AKAP13: variants seen among roughly 807,000 people sequenced by gnomAD.
The protein encoded by AKAP13 is A-kinase anchor protein 13.
AKAP13 carries 80 observed loss-of-function variants against 264.5 expected under a neutral mutation model. The ratio of observed to expected loss-of-function variants is 0.30; its 90% CI spans 0.25 to 0.36. The LOEUF is 0.36. Among genes scored for constraint, AKAP13 ranks in the 10% least tolerant of loss-of-function variants. The pLI is 1.00. For synonymous variants in AKAP13, 1,380 were observed against 1,250.2 expected, an observed-to-expected ratio of 1.10 and a Z score of -2.19; for missense variants, 3,712 against 3,435.2, an observed-to-expected ratio of 1.08 and a Z score of -2.01.
intron 1 of AKAP13, among the ~76,000 whole-genome samples, chr15:85,481,434 G>A (rs1262210137): frequency 6.6e-6 from 1 of 152,132 alleles, no homozygotes; most frequent in Non-Finnish European, 1.5e-5. Flanking sequence ...CAGTGGGGGA[G>A]AATGTTAATT....
chr15:85,705,658 T>G (rs2086194744), intron 17 of AKAP13, among the ~76,000 whole-genome samples: 1 of 152,198 alleles, frequency 6.6e-6, no homozygotes. Context: ...ATACAAAGTA[T>G]TATACATAGG....
At chr15:85,629,764 CTTTTTTTTTTTTTTTTTTT>C (rs773396099) in intron 8 of AKAP13, among the ~76,000 whole-genome samples, 17 of 50,528 alleles carry the variant, frequency 3.4e-4, no homozygotes, top group Admixed American at 7.2e-4. Flanking sequence ...CCTTTACAGC[CTTTTTTTTTTTTTTTTTTT>C]TTTTTTTTTT....
At chr15:85,625,281 A>G (rs1596771169) in intron 8 of AKAP13, among the ~76,000 whole-genome samples, 2 of 152,192 alleles carry the variant, frequency 1.3e-5, no homozygotes, top group Admixed American at 1.3e-4. Context: ...GAATAGAAAG[A>G]TACATAATCA....
At chr15:85,553,984 C>T (rs1020799762) in intron 5 of AKAP13, among the ~76,000 whole-genome samples, 4 of 152,176 alleles carry the variant, frequency 2.6e-5, no homozygotes, top group African/African-American at 4.8e-5. Flanking sequence ...AATTGCCTTC[C>T]GTGAAACTGG....
rs1240510377 is a variant in AKAP13, at chr15:85,708,393, G to C, written c.5532+307G>C. 1.3e-5 allele frequency among the ~76,000 whole-genome samples: 2 copies of C among 152,032 alleles called. No homozygotes were observed. The highest frequency in any genetic ancestry group is 2.1e-4 in the South Asian group (1 of 4,814). ...TTAAAGTGGTTTTCTTCTTAACTAC[G>C]TCTGCAGGCCTACCCTGCTGTTCAT... On this transcript the variant is annotated intron_variant, in intron 18 of 36. Coordinates refer to ENST00000394518, the MANE Select transcript of AKAP13 (RefSeq NM_007200.5). The surrounding 1 kb of genome is among the most constrained non-coding windows in gnomAD (Gnocchi z 4.3).
At chr15:85,627,851 G>A (rs2081499065) in intron 8 of AKAP13, among the ~76,000 whole-genome samples, 1 of 152,194 alleles carries the variant, frequency 6.6e-6, no homozygotes, top group African/African-American at 2.4e-5. Context: ...TCCAGCTCTG[G>A]AGTGTCCTAA....
intron 18 of AKAP13, among the ~76,000 whole-genome samples, chr15:85,709,647 C>A (rs2086515355): frequency 7.1e-6 from 1 of 141,802 alleles, no homozygotes; most frequent in Non-Finnish European, 1.6e-5. Context: ...GAGAATATAA[C>A]CTAAAAGGGG....
At chr15:85,666,842 T>G (rs151049784) in intron 13 of AKAP13, among the ~76,000 whole-genome samples, 47 of 152,380 alleles carry the variant, frequency 3.1e-4, no homozygotes, top group Non-Finnish European at 5.9e-4. Flanking sequence ...GTTCTCATCT[T>G]CTGGATGTCC....
At chr15:85,464,114 A>G (rs2074633349) in intron 1 of AKAP13, among the ~76,000 whole-genome samples, 2 of 152,190 alleles carry the variant, frequency 1.3e-5, no homozygotes, top group Admixed American at 6.5e-5. Context: ...CTATGATCCA[A>G]CAACCAAAGG....
At chr15:85,636,469 C>G (rs1468192622) in intron 8 of AKAP13, among the ~76,000 whole-genome samples, 3 of 152,154 alleles carry the variant, frequency 2.0e-5, no homozygotes, top group Non-Finnish European at 2.9e-5. Context: ...GGTTACTGAT[C>G]TCAGAATGAA....
chr15:85,631,534 ACACACACACACACACACACT>A (rs1297413404), intron 8 of AKAP13, among the ~76,000 whole-genome samples: 3 of 147,732 alleles, frequency 2.0e-5, no homozygotes, highest in African/African-American at 7.6e-5. Flanking sequence ...ACACACACAC[ACACACACACACACACACACT>A]AAATGCAATG....
intron 1 of AKAP13, among the ~76,000 whole-genome samples, chr15:85,461,208 A>T (rs1017543179): frequency 2.0e-5 from 3 of 151,998 alleles, no homozygotes; most frequent in African/African-American, 7.3e-5. Flanking sequence ...CTCTGCCTGC[A>T]GGGTTCAAGC....
At chr15:85,390,893 T>G (rs973378756) in intron 1 of AKAP13, among the ~76,000 whole-genome samples, 6 of 152,228 alleles carry the variant, frequency 3.9e-5, no homozygotes, top group Non-Finnish European at 7.3e-5. Flanking sequence ...GTGATTTCCC[T>G]GTTGACATGC....
chr15:85,661,902 GA>G (rs57846021), intron 12 of AKAP13, among the ~76,000 whole-genome samples: 399 of 136,548 alleles, frequency 2.9e-3, no homozygotes, highest in South Asian at 9.5e-3. Context: ...GGAAACACAT[GA>G]AAAAAAAAAA....
chr15:85,548,443 A>G (rs533776107), intron 5 of AKAP13, among the ~76,000 whole-genome samples: 1 of 152,290 alleles, frequency 6.6e-6, no homozygotes, highest in East Asian at 1.9e-4. Flanking sequence ...AGTATGGTAG[A>G]ACTGCTTACG....
chr15:85,462,659 C>T (rs1276993089), intron 1 of AKAP13, among the ~76,000 whole-genome samples: 4 of 152,150 alleles, frequency 2.6e-5, no homozygotes, highest in Non-Finnish European at 5.9e-5. Flanking sequence ...CATTTACACA[C>T]AGGAAAATCT....
chr15:85,650,289 G>A (rs1244536562), intron 10 of AKAP13, among the ~76,000 whole-genome samples: 8 of 151,808 alleles, frequency 5.3e-5, no homozygotes, highest in Admixed American at 3.9e-4. Context: ...AAATTAGCCA[G>A]GCATGGTGGC....
chr15:85,573,576 T>TAAATAA (rs879294735), intron 5 of AKAP13, among the ~76,000 whole-genome samples: 187 of 88,812 alleles, frequency 2.1e-3, no homozygotes, highest in African/African-American at 8.5e-3. Context: ...TAAATAAATA[T>TAAATAA]GATATGATAT....
intron 1 of AKAP13, among the ~76,000 whole-genome samples, chr15:85,452,144 A>G (rs931519850): frequency 2.0e-5 from 3 of 148,360 alleles, no homozygotes; most frequent in Non-Finnish European, 3.0e-5. Flanking sequence ...GCTTTGGTTT[A>G]TTCTGCTGTT....
Sources: gnomAD v4.1 joint callset for allele counts (sites outside exome capture counted in the v4.1 genomes callset) on GRCh38, gnomAD v4.1.1 for gene constraint, Gnocchi (gnomAD v3.1) non-coding constraint, MANE v1.5 for transcripts, NCBI Gene and HGNC (gene_info 2026-07-23, HGNC 2026-07-21) for gene names.